NTM: variants seen among roughly 807,000 people sequenced by gnomAD.
NTM encodes the protein neurotrimin, also known as IgLON family member 2.
Under a neutral mutation model 42.1 loss-of-function variants are expected in NTM, and 13 were observed. The observed-to-expected ratio is 0.31, with a 90% CI of 0.20 to 0.49. The LOEUF (loss-of-function observed/expected upper bound fraction) is 0.49. NTM is among the 20% of genes least tolerant of loss of function. The probability of loss-of-function intolerance (pLI) is 0.99; values close to 1 mark genes in which losing one functional copy is unlikely to be tolerated. For synonymous variants in NTM, 187 were observed against 179.2 expected (o/e 1.04, Z -0.35); for missense variants, 373 against 452.8 (o/e 0.82, Z 1.60).
At chr11:131,786,930 T>G (rs2089334263) in intron 1 of NTM, among the ~76,000 whole-genome samples, 1 of 152,238 alleles carries the variant, frequency 6.6e-6, no homozygotes, top group African/African-American at 2.4e-5. Flanking sequence ...TTCTTTCATG[T>G]GAGGAAATTT....
intron 2 of NTM, among the ~76,000 whole-genome samples, chr11:132,060,190 A>G (rs1221933136): frequency 6.6e-6 from 1 of 152,174 alleles, no homozygotes; most frequent in Non-Finnish European, 1.5e-5. Flanking sequence ...CGTCTTCCCA[A>G]AGTTACAATA....
At chr11:132,331,353 G>GTAGA (rs1263305705) in intron 8 of NTM, among the ~76,000 whole-genome samples, 23 of 152,144 alleles carry the variant, frequency 1.5e-4, no homozygotes, top group African/African-American at 4.8e-4. Context: ...TTGCTTCTAT[G>GTAGA]TAGATAGACA....
At chr11:131,938,002 A>T (rs2134173355) in intron 2 of NTM, among the ~76,000 whole-genome samples, 1 of 152,260 alleles carries the variant, frequency 6.6e-6, no homozygotes, top group South Asian at 2.1e-4. Context: ...GCTCTTAATT[A>T]ATTTAACTAT....
At chr11:131,895,461 T>C (rs897819372) in intron 1 of NTM, among the ~76,000 whole-genome samples, 14 of 152,180 alleles carry the variant, frequency 9.2e-5, no homozygotes, top group Admixed American at 2.0e-4. Context: ...TTTCAATGGA[T>C]ATTTGTTGAA....
intron 1 of NTM, chr11:131,671,676 C>A: frequency 1.1e-6 from 1 of 883,176 alleles, no homozygotes; most frequent in Non-Finnish European, 1.4e-6. Flanking sequence ...AGGAAGCAGA[C>A]GCCTTGGGCT....
chr11:132,130,009 A>G (rs1432091374), intron 2 of NTM, among the ~76,000 whole-genome samples: 2 of 152,222 alleles, frequency 1.3e-5, no homozygotes, highest in African/African-American at 4.8e-5. Context: ...TGTTCTTAAC[A>G]GGTTTGGATG....
intron 2 of NTM, among the ~76,000 whole-genome samples, chr11:132,104,215 G>T (rs894894017): frequency 6.6e-6 from 1 of 152,090 alleles, no homozygotes; most frequent in Admixed American, 6.5e-5. Flanking sequence ...TGTCAAAGTG[G>T]ATCTGTTATG....
intron 1 of NTM, among the ~76,000 whole-genome samples, chr11:131,451,205 A>G (rs1038529915): frequency 6.6e-6 from 1 of 152,196 alleles, no homozygotes; most frequent in African/African-American, 2.4e-5. Flanking sequence ...CACCAACTCT[A>G]TGCCTATATC....
intron 2 of NTM, among the ~76,000 whole-genome samples, chr11:131,950,709 T>C (rs1202289045): frequency 1.3e-5 from 2 of 152,226 alleles, no homozygotes; most frequent in Non-Finnish European, 2.9e-5. Flanking sequence ...ATACTGTATA[T>C]AGACTGCCTG....
chr11:131,840,917 G>A (rs2044156133), intron 1 of NTM, among the ~76,000 whole-genome samples: 1 of 152,242 alleles, frequency 6.6e-6, no homozygotes, highest in Non-Finnish European at 1.5e-5. Flanking sequence ...GAGGATGACA[G>A]AAGGTGTGAA....
At chr11:131,838,865 A>G (rs2043855561) in intron 1 of NTM, among the ~76,000 whole-genome samples, 1 of 152,314 alleles carries the variant, frequency 6.6e-6, no homozygotes, top group African/African-American at 2.4e-5. Flanking sequence ...CTTTGAGTGC[A>G]TCTATGAATG....
chr11:132,290,412 T>C (rs1309244741), intron 4 of NTM, among the ~76,000 whole-genome samples: 2 of 152,154 alleles, frequency 1.3e-5, no homozygotes, highest in Non-Finnish European at 2.9e-5. Flanking sequence ...GCTATGTTTG[T>C]CATGGGTTAT....
At chr11:132,075,293 T>C (rs934825545) in intron 2 of NTM, among the ~76,000 whole-genome samples, 1 of 152,174 alleles carries the variant, frequency 6.6e-6, no homozygotes, top group Admixed American at 6.5e-5. Context: ...GAAAATTTGG[T>C]TAAGAGGGTA....
rs77129818 is a variant in NTM at position 132,159,796 on chromosome 11, A to G, written c.400+13282A>G. The stretch of plus-strand genomic sequence containing the variant: ...GGTGCAGGCGTGGGTGTGGGGGTAG[A>G]ACTGGGAATCACAGGCTGGAGCCCA... On this transcript the variant is annotated intron_variant, in intron 3 of 8. Transcript: ENST00000683400. Among the ~76,000 whole-genome samples, 676 of 152,326 alleles carry G rather than the reference A, an allele frequency of 4.4e-3. 2 individuals carry two copies. Among genetic ancestry groups the G allele is most frequent in the African/African-American group, 0.015 (640 of 41,572 alleles).
chr11:131,874,966 C>T (rs1195829054), intron 1 of NTM, among the ~76,000 whole-genome samples: 2 of 152,164 alleles, frequency 1.3e-5, no homozygotes, highest in South Asian at 2.1e-4. Flanking sequence ...GGGCTGAGGT[C>T]CCCTTCTTGG....
intron 3 of NTM, among the ~76,000 whole-genome samples, chr11:132,182,116 A>C (rs1188819717): frequency 6.6e-6 from 1 of 152,086 alleles, no homozygotes; most frequent in Admixed American, 6.6e-5. Context: ...AATGCCACCA[A>C]CATATATCAG....
At chr11:131,371,654 T>C (rs74663008) in intron 1 of NTM, among the ~76,000 whole-genome samples, 442 of 152,286 alleles carry the variant, frequency 2.9e-3, no homozygotes, top group African/African-American at 0.01. Flanking sequence ...CAGTGCTGTG[T>C]TCTGTGCATT....
intron 1 of NTM, among the ~76,000 whole-genome samples, chr11:131,833,411 G>A (rs2043072444): frequency 6.6e-6 from 1 of 152,152 alleles, no homozygotes; most frequent in Non-Finnish European, 1.5e-5. Flanking sequence ...CCATGAAGTA[G>A]ATACTAATTG....
intron 7 of NTM, among the ~76,000 whole-genome samples, chr11:132,319,622 G>C (rs1409998816): frequency 6.6e-6 from 1 of 152,242 alleles, no homozygotes; most frequent in Non-Finnish European, 1.5e-5. Context: ...AAGCAGCTGG[G>C]AAGCACGAAC....
Sources: allele counts gnomAD v4.1 joint callset (sites outside exome capture counted in the v4.1 genomes callset), GRCh38; gene constraint gnomAD v4.1.1; transcripts MANE v1.5; gene names NCBI Gene and HGNC (gene_info 2026-07-23, HGNC 2026-07-21).